The following TDRD7 variants were observed in gnomAD, a reference collection of about 807,000 sequenced individuals.
TDRD7 encodes the protein tudor domain-containing protein 7.
Under a neutral mutation model 109.8 loss-of-function variants are expected in TDRD7, and 47 were observed. The observed-to-expected ratio is 0.43, with a 90% confidence interval of 0.34 to 0.55. The LOEUF is 0.55. Ranked by LOEUF, TDRD7 falls within the 20% of genes least tolerant of loss-of-function variation. The pLI is 0.03. For missense variants in TDRD7, 1,164 were observed against 1,319.2 expected, an observed-to-expected ratio of 0.88 and a Z score of 1.82; for synonymous variants, 424 against 457.3, an observed-to-expected ratio of 0.93 and a Z score of 0.93.
chr9:97,428,737 C>A, intron 2 of TDRD7, 65 bp downstream of exon 2: 2 of 1,437,158 alleles, frequency 1.4e-6, no homozygotes, highest in Non-Finnish European at 1.9e-6. Flanking sequence ...CTGGCACTTC[C>A]AATCTCCTAC....
At chr9:97,430,112 G>A (rs1828074482) in intron 2 of TDRD7, among the ~76,000 whole-genome samples, 1 of 152,156 alleles carries the variant, frequency 6.6e-6, no homozygotes, top group African/African-American at 2.4e-5. Flanking sequence ...TTTCAAATTA[G>A]AGTCAAAGAC....
At chr9:97,494,682 GTATATATATATGTATATATA>G (rs1829364002) in intron 16 of TDRD7, among the ~76,000 whole-genome samples, 1 of 144,596 alleles carries the variant, frequency 6.9e-6, no homozygotes, top group East Asian at 2.0e-4. Flanking sequence ...CTTGAAATAT[GTATATATATATGTATATATA>G]TATATATATA....
chr9:97,474,671 A>G (rs1245560655), intron 11 of TDRD7, among the ~76,000 whole-genome samples: 2 of 152,212 alleles, frequency 1.3e-5, no homozygotes, highest in Non-Finnish European at 2.9e-5. Context: ...TGAAACCCCC[A>G]GCTTGGCTGA....
At chr9:97,466,433 C>A (rs1010979470) in intron 8 of TDRD7, among the ~76,000 whole-genome samples, 1 of 128,598 alleles carries the variant, frequency 7.8e-6, no homozygotes, top group Non-Finnish European at 1.7e-5. Flanking sequence ...AATAGTTTGC[C>A]AGTTTCTTAC....
In TDRD7 at chr9:97,487,056, T is replaced by A. The variant is rs140691600; in HGVS notation, c.2916-116T>A. 1.3e-4 allele frequency: 155 copies of A among 1,194,472 alleles called. No individual in the cohort carries two copies. In the African/African-American group the frequency reaches 2.1e-3, roughly 16 times the overall value. 74.0% of individuals were successfully genotyped at this position (1,194,472 alleles called of 1,614,324 possible). On this transcript the variant is annotated intron_variant, in intron 15 of 16. Coordinates refer to ENST00000355295, the MANE Select transcript of TDRD7 (RefSeq NM_014290.3). ...ACTTTTTTGAAAATATAGTTTTAAATTTTGATAAACATAATTTGCATTAAT... is the reference window on the plus strand; with the variant it reads ...ACTTTTTTGAAAATATAGTTTTAAAATTTGATAAACATAATTTGCATTAAT...
chr9:97,476,787 A>G (rs1829030188), intron 12 of TDRD7, among the ~76,000 whole-genome samples: 2 of 152,078 alleles, frequency 1.3e-5, no homozygotes, highest in Non-Finnish European at 2.9e-5. Context: ...TCTCAAATCA[A>G]CCCCCAAAAG....
At chr9:97,449,205 C>T (rs1828449121) in intron 6 of TDRD7, among the ~76,000 whole-genome samples, 1 of 152,174 alleles carries the variant, frequency 6.6e-6, no homozygotes, top group African/African-American at 2.4e-5. Context: ...CAACAATCAA[C>T]ACAGAAGGCT....
intron 4 of TDRD7, among the ~76,000 whole-genome samples, chr9:97,435,998 G>C (rs961654724): frequency 6.6e-6 from 1 of 152,046 alleles, no homozygotes; most frequent in Non-Finnish European, 1.5e-5. Flanking sequence ...ACATAATCTC[G>C]TGCCAGTCAG....
chr9:97,483,376 A>T, intron 15 of TDRD7, 25 bp downstream of exon 15: 3 of 1,611,238 alleles, frequency 1.9e-6, no homozygotes, highest in Non-Finnish European at 2.5e-6. Context: ...AAAGCATTTT[A>T]TTCTACTCCT....
Position 97,475,844 on chromosome 9 carries a change from T to C in TDRD7, c.2166+375T>C, listed in dbSNP as rs796260966. Among the ~76,000 whole-genome samples the C allele has an allele frequency of 7.9e-5, 12 of 152,300 alleles. 1 individual carries two copies. The highest frequency in any genetic ancestry group is 2.9e-4 in the African/African-American group (12 of 41,556). ...ATAAGTGTAACTAAATGAATAAATATTTTCAAACTTTATGTAAGTTGTAAG... is the reference window on the plus strand; with the variant it reads ...ATAAGTGTAACTAAATGAATAAATACTTTCAAACTTTATGTAAGTTGTAAG... On this transcript the variant is annotated intron_variant, in intron 12 of 16. Coordinates refer to ENST00000355295, the MANE Select transcript of TDRD7 (RefSeq NM_014290.3).
Position 97,464,859 on chromosome 9 carries a change from A to C in TDRD7, c.1460A>C (p.Tyr487Ser). Residue 487 changes from tyrosine to serine, a missense_variant, in exon 8 of 17, where the codon TAT becomes TCT. Physicochemically the swap from Tyr to Ser is moderately radical, Grantham distance 144. Coordinates refer to ENST00000355295, the MANE Select transcript of TDRD7 (RefSeq NM_014290.3). ...EVVIRYVGKD[Y>S]SAAQELMEDE... ...TGATTCAGGTATGTGGGCAAAGACT[A>C]TTCTGCTGCTCAGGAATTAATGGAA... The C allele has an allele frequency of 1.2e-6, 2 of 1,614,182 alleles. No individual in the cohort carries two copies. The highest frequency in any genetic ancestry group is 1.7e-6 in the Non-Finnish European group (2 of 1,180,012).
In TDRD7 at chr9:97,472,384, A is replaced by T. The variant is rs527604581; in HGVS notation, c.1833A>T (p.Lys611Asn). 1.4e-5 allele frequency: 23 copies of T among 1,613,952 alleles called. No individual in the cohort carries two copies. In the South Asian group the frequency reaches 2.4e-4, roughly 17 times the overall value. ...TCTTTGCAGTGGAAATACTTGACAAAGCTGACATTCCACTTGTTGTTCTGT... is the reference window on the plus strand; with the variant it reads ...TCTTTGCAGTGGAAATACTTGACAATGCTGACATTCCACTTGTTGTTCTGT... ...GKIFAVEILDKADIPLVVLYD... is the reference protein window; with the variant it reads ...GKIFAVEILDNADIPLVVLYD... Residue 611 changes from lysine to asparagine, a missense_variant, in exon 10 of 17, where the codon AAA becomes AAT. Transcript: ENST00000355295.
intron 6 of TDRD7, among the ~76,000 whole-genome samples, chr9:97,450,317 A>G (rs1032772910): frequency 3.3e-5 from 5 of 152,148 alleles, no homozygotes; most frequent in Non-Finnish European, 7.4e-5. Flanking sequence ...GGATAGGAGT[A>G]TTGTCCTGAG....
Position 97,445,494 on chromosome 9 carries a change from T to C in TDRD7, c.855+3619T>C, listed in dbSNP as rs1053916088. On this transcript the variant is annotated intron_variant, in intron 6 of 16. Coordinates refer to ENST00000355295, the MANE Select transcript of TDRD7 (RefSeq NM_014290.3). ...CTGAGGGAATGTCTAAACAGGAGACTCTACATAGTCTGATGAGTCAAGTAA... is the reference window on the plus strand; with the variant it reads ...CTGAGGGAATGTCTAAACAGGAGACCCTACATAGTCTGATGAGTCAAGTAA... 3.9e-5 allele frequency among the ~76,000 whole-genome samples: 6 copies of C among 152,298 alleles called. No homozygotes were observed. The East Asian group carries it at 1.2e-3, about 29-fold the overall frequency.
intron 1 of TDRD7, among the ~76,000 whole-genome samples, chr9:97,427,824 T>C (rs992200382): frequency 6.6e-6 from 1 of 152,188 alleles, no homozygotes; most frequent in African/African-American, 2.4e-5. Flanking sequence ...TGAAAACTTG[T>C]TAATCTTTCT....
At chr9:97,481,259 C>G (rs1829110485) in intron 14 of TDRD7, among the ~76,000 whole-genome samples, 1 of 152,212 alleles carries the variant, frequency 6.6e-6, no homozygotes, top group South Asian at 2.1e-4. Context: ...AGAGGGACCA[C>G]AGATCTCTTG....
chr9:97,457,631 G>A (rs1047268810), intron 6 of TDRD7, among the ~76,000 whole-genome samples: 2 of 152,082 alleles, frequency 1.3e-5, no homozygotes, highest in African/African-American at 2.4e-5. Context: ...GCCCGCCTTG[G>A]CCTCCCAAAG....
intron 1 of TDRD7, among the ~76,000 whole-genome samples, chr9:97,422,269 C>A (rs1424067303): frequency 6.6e-6 from 1 of 152,130 alleles, no homozygotes; most frequent in Non-Finnish European, 1.5e-5. Flanking sequence ...GTGGCACATG[C>A]CTGTAATCCC....
At chr9:97,468,642 T>C (rs1828859173) in intron 8 of TDRD7, among the ~76,000 whole-genome samples, 1 of 152,220 alleles carries the variant, frequency 6.6e-6, no homozygotes, top group African/African-American at 2.4e-5. Context: ...TTCCTTGCTT[T>C]CCCTGTCAGA....
Sources: gnomAD v4.1 joint callset for allele counts (sites outside exome capture counted in the v4.1 genomes callset) on GRCh38, gnomAD v4.1.1 for gene constraint, MANE v1.5 for transcripts, NCBI Gene and HGNC (gene_info 2026-07-23, HGNC 2026-07-21) for gene names.